RBFOX1: variants seen among roughly 807,000 people sequenced by gnomAD.
The protein encoded by RBFOX1 is RNA binding fox-1 homolog 1, also known as RNA binding protein fox-1 homolog 1.
RBFOX1 carries 8 observed loss-of-function variants against 57.7 expected under a neutral mutation model. That is an observed-to-expected ratio of 0.14 (90% CI 0.08 to 0.25). The LOEUF (loss-of-function observed/expected upper bound fraction) is 0.25. RBFOX1 is among the 10% of genes least tolerant of loss of function. RBFOX1 has a pLI of 1.00. For synonymous variants in RBFOX1, 326 were observed against 222.4 expected (o/e 1.47, Z -4.15); for missense variants, 611 against 548.5 (o/e 1.11, Z -1.14).
chr16:7,114,484 A>G (rs901639716), intron 4 of RBFOX1, among the ~76,000 whole-genome samples: 5 of 152,204 alleles, frequency 3.3e-5, no homozygotes, highest in Admixed American at 1.3e-4. Context: ...TCATTTTAAG[A>G]AGCACTCAAG....
rs60637926 is a variant in RBFOX1, at chr16:6,344,407, C to CTTTTTTTTTTTTTTTTT, written c.-64+27362_-64+27363insTTTTTTTTTTTTTTTTT. Among the ~76,000 whole-genome samples the CTTTTTTTTTTTTTTTTT allele has an allele frequency of 1.9e-4, 21 of 109,846 alleles. 3 individuals carry two copies. Among genetic ancestry groups the CTTTTTTTTTTTTTTTTT allele is most frequent in the Admixed American group, 4.1e-4 (4 of 9,872 alleles). The allele number at this position is 109,846 out of a possible 152,430, so 72.1% of individuals were successfully genotyped here. A position where few individuals can be genotyped will look rare whatever the true frequency, so the allele number is the denominator to read the frequency against. ...TCTCTTCTTCTTTTTTCTTTTTTTT[C>CTTTTTTTTTTTTTTTTT]TTTTTTTTTTTTGAGACAGAGTCTC... On this transcript the variant is annotated intron_variant, in intron 2 of 15. Transcript: ENST00000550418.
chr16:6,284,647 A>G lies in RBFOX1; in HGVS notation c.-126-32348A>G, dbSNP rs376580539. ...AGTTGGGTATACTTACAGAAAGTGG[A>G]GAGGTCCTTGGTTTCTTTCATGCCA... On this transcript the variant is annotated intron_variant, in intron 1 of 15. Transcript: ENST00000550418. Among the ~76,000 whole-genome samples the G allele has an allele frequency of 2.7e-4, 41 of 152,268 alleles. No individual in the cohort carries two copies. The East Asian group carries it at 2.7e-3, about 10-fold the overall frequency.
chr16:5,899,371 G>A (rs2058251147), intron 4 of RBFOX1, among the ~76,000 whole-genome samples: 1 of 152,148 alleles, frequency 6.6e-6, no homozygotes, highest in African/African-American at 2.4e-5. Context: ...AACTGACCTG[G>A]TCCATTGAGT....
At position 5,403,574 on chromosome 16, in the gene RBFOX1, A is replaced by G. The variant is rs531736250; in HGVS notation, c.220-63642A>G. 1.7e-3 allele frequency among the ~76,000 whole-genome samples: 256 copies of G among 152,102 alleles called. 2 individuals are homozygous for G. Among genetic ancestry groups the G allele is most frequent in the African/African-American group, 5.6e-3 (233 of 41,516 alleles). ...ATTCTCCTGCCTCAGTCTCTCGAGT[A>G]GCTGGGATTACAGGTGCATGACACC... On this transcript the variant is annotated intron_variant, in intron 1 of 2. Transcript: ENST00000585867.
chr16:5,622,668 C>G (rs554840221), intron 3 of RBFOX1, among the ~76,000 whole-genome samples: 58 of 152,278 alleles, frequency 3.8e-4, no homozygotes, highest in African/African-American at 1.3e-3. Flanking sequence ...GGAACACAGC[C>G]ACACCTGTTC....
chr16:7,371,592 A>G (rs1295067920), intron 4 of RBFOX1, among the ~76,000 whole-genome samples: 1 of 152,148 alleles, frequency 6.6e-6, no homozygotes, highest in Non-Finnish European at 1.5e-5. Context: ...TCTACTAAAA[A>G]TACAAAAATT....
intron 3 of RBFOX1, among the ~76,000 whole-genome samples, chr16:7,039,783 G>A (rs2045601321): frequency 6.6e-6 from 1 of 152,054 alleles, no homozygotes; most frequent in Non-Finnish European, 1.5e-5. Context: ...AAGATTTCAG[G>A]CCTTTATAAA....
intron 3 of RBFOX1, among the ~76,000 whole-genome samples, chr16:5,626,352 CTG>C (rs1383767275): frequency 3.9e-5 from 6 of 152,178 alleles, no homozygotes; most frequent in Non-Finnish European, 7.3e-5. Flanking sequence ...CTTTCTGTGT[CTG>C]TGTGTGTCTG....
chr16:6,952,455 T>C (rs983659807), intron 3 of RBFOX1, among the ~76,000 whole-genome samples: 1 of 152,064 alleles, frequency 6.6e-6, no homozygotes, highest in Non-Finnish European at 1.5e-5. Context: ...GAGACCAGCC[T>C]GGGCCACGTA....
At chr16:6,470,790 T>C (rs929038615) in intron 2 of RBFOX1, among the ~76,000 whole-genome samples, 1 of 152,196 alleles carries the variant, frequency 6.6e-6, no homozygotes, top group East Asian at 1.9e-4. Flanking sequence ...CACTTGTTTT[T>C]ATCCTTTTTT....
At chr16:6,286,833 A>T (rs1045559165) in intron 1 of RBFOX1, among the ~76,000 whole-genome samples, 4 of 152,186 alleles carry the variant, frequency 2.6e-5, no homozygotes, top group African/African-American at 9.6e-5. Context: ...AATATTATTT[A>T]TTTCTATTCC....
chr16:5,886,752 G>T (rs1227342147), intron 4 of RBFOX1, among the ~76,000 whole-genome samples: 1 of 152,206 alleles, frequency 6.6e-6, no homozygotes, highest in African/African-American at 2.4e-5. Flanking sequence ...GCTCTGTGTA[G>T]TGGCAGATGC....
chr16:5,819,345 G>A (rs2055762701), intron 3 of RBFOX1, among the ~76,000 whole-genome samples: 1 of 152,168 alleles, frequency 6.6e-6, no homozygotes. Context: ...CTCCCAAGGG[G>A]CCTCACCTCT....
intron 2 of RBFOX1, among the ~76,000 whole-genome samples, chr16:6,344,301 T>C (rs2152832386): frequency 6.6e-6 from 1 of 152,202 alleles, no homozygotes; most frequent in South Asian, 2.1e-4. Context: ...TCCACCCACC[T>C]TGGCCTCCCA....
intron 3 of RBFOX1, among the ~76,000 whole-genome samples, chr16:5,850,398 T>A (rs1035295109): frequency 6.6e-6 from 1 of 152,172 alleles, no homozygotes; most frequent in South Asian, 2.1e-4. Flanking sequence ...AGTAACTCCA[T>A]TCTTTGGAAT....
intron 1 of RBFOX1, among the ~76,000 whole-genome samples, chr16:6,210,604 C>G (rs926411697): frequency 6.6e-6 from 1 of 151,976 alleles, no homozygotes; most frequent in Non-Finnish European, 1.5e-5. Context: ...TGTCTGTGGT[C>G]CCAACTACTT....
intron 1 of RBFOX1, among the ~76,000 whole-genome samples, chr16:6,270,766 G>C (rs1169734748): frequency 6.6e-6 from 1 of 152,136 alleles, no homozygotes; most frequent in Non-Finnish European, 1.5e-5. Context: ...GACAGCAGAA[G>C]GCGTTTCTTT....
In RBFOX1 at chr16:5,641,691, G is replaced by C. The variant is rs184199656; in HGVS notation, c.318+42730G>C. On this transcript the variant is annotated intron_variant, in intron 3 of 19. Coordinates refer to the RBFOX1 transcript ENST00000641259. ...GTGAGCTCAGCAGGGCAAAGGCCTG[G>C]AGGCGGGGGCATGTTGACTTTGTCT... Among the ~76,000 whole-genome samples the C allele has an allele frequency of 1.6e-4, 25 of 152,280 alleles. No individual in the cohort carries two copies. The East Asian group carries it at 4.4e-3, about 27-fold the overall frequency.
At chr16:5,543,333 A>G (rs2045045233) in intron 2 of RBFOX1, among the ~76,000 whole-genome samples, 1 of 152,178 alleles carries the variant, frequency 6.6e-6, no homozygotes, top group Non-Finnish European at 1.5e-5. Flanking sequence ...AACATGGAAG[A>G]CAAAAAAAGA....
Sources: gnomAD v4.1 joint callset for allele counts (sites outside exome capture counted in the v4.1 genomes callset) on GRCh38, gnomAD v4.1.1 for gene constraint, MANE v1.5 for transcripts, NCBI Gene and HGNC (gene_info 2026-07-23, HGNC 2026-07-21) for gene names.